UNC13C: variants seen among roughly 807,000 people sequenced by gnomAD.
UNC13C encodes unc-13 homolog C, also known as protein unc-13 homolog C.
A neutral mutation model predicts 245.4 loss-of-function variants in UNC13C; 174 were observed. The observed-to-expected ratio is 0.71, with a 90% CI of 0.63 to 0.80. The LOEUF is 0.80. Ranked by LOEUF, UNC13C falls within the 30% of genes least tolerant of loss-of-function variation. The pLI is 0.00. For missense variants in UNC13C, 2,829 were observed against 2,602.9 expected (o/e 1.09, Z -1.89); for synonymous variants, 992 against 895.1 (o/e 1.11, Z -1.93).
chr15:54,559,930 C>A (rs966918873), intron 29 of UNC13C, among the ~76,000 whole-genome samples: 10 of 152,028 alleles, frequency 6.6e-5, no homozygotes, highest in Non-Finnish European at 1.3e-4. Context: ...TAAAGAATCT[C>A]AACTTTAGTT....
intron 19 of UNC13C, among the ~76,000 whole-genome samples, chr15:54,440,814 G>T (rs1295712381): frequency 1.3e-5 from 2 of 151,888 alleles, no homozygotes; most frequent in Admixed American, 6.6e-5. Flanking sequence ...AACCCTGCCA[G>T]CATCTATCAT....
intron 30 of UNC13C, among the ~76,000 whole-genome samples, chr15:54,571,013 T>A (rs1417372743): frequency 2.0e-5 from 3 of 152,220 alleles, no homozygotes; most frequent in African/African-American, 7.2e-5. Context: ...GTTCCACCCT[T>A]TGTATTCCAT....
At chr15:54,159,726 G>C (rs142539765) in intron 4 of UNC13C, among the ~76,000 whole-genome samples, 1 of 152,310 alleles carries the variant, frequency 6.6e-6, no homozygotes, top group Non-Finnish European at 1.5e-5. Context: ...TTTGAAGATA[G>C]GTGAGTGCCA....
Position 54,627,133 on chromosome 15 carries a change from A to G in UNC13C, c.*20A>G. 1 of 1,587,520 alleles carries G rather than the reference A, an allele frequency of 6.3e-7. No individual in the cohort carries two copies. The highest frequency in any genetic ancestry group is 8.6e-7 in the Non-Finnish European group (1 of 1,166,760). On this transcript the variant is annotated 3_prime_UTR_variant, in exon 33 of 33. Coordinates refer to ENST00000260323, the MANE Select transcript of UNC13C (RefSeq NM_001080534.3). Reference sequence around the variant, plus strand: ...GCTTGAAACAAACACTGCAAGCTAAATACATAACTATAATTGTTTGACTAC... The same window carrying G: ...GCTTGAAACAAACACTGCAAGCTAAGTACATAACTATAATTGTTTGACTAC...
intron 2 of UNC13C, among the ~76,000 whole-genome samples, chr15:54,141,141 T>C (rs770078790): frequency 7.2e-5 from 11 of 152,202 alleles, no homozygotes; most frequent in Non-Finnish European, 1.6e-4. Context: ...TTCATTGTTT[T>C]CCAAACTAGT....
chr15:54,036,964 G>A (rs1896601046), intron 2 of UNC13C, among the ~76,000 whole-genome samples: 1 of 152,246 alleles, frequency 6.6e-6, no homozygotes, highest in African/African-American at 2.4e-5. Context: ...GCAGGCCACT[G>A]TGCCTGCATG....
chr15:53,969,378 A>G, the UNC13C span, among the ~76,000 whole-genome samples: 1 of 152,216 alleles, frequency 6.6e-6, no homozygotes, highest in African/African-American at 2.4e-5. Context: ...ATGTTAATAC[A>G]TAGCCTGATG....
intron 1 of UNC13C, among the ~76,000 whole-genome samples, chr15:53,982,911 C>G (rs1893981938): frequency 6.6e-6 from 1 of 152,268 alleles, no homozygotes. Flanking sequence ...TTACTTGACT[C>G]TGACTTGCTT....
chr15:54,189,227 G>A (rs1295935445), intron 4 of UNC13C, among the ~76,000 whole-genome samples: 1 of 152,072 alleles, frequency 6.6e-6, no homozygotes, highest in Non-Finnish European at 1.5e-5. Flanking sequence ...TGTAAAAGTG[G>A]TTCATAAAAT....
At chr15:54,599,439 TTCAG>T (rs1899281967) in intron 30 of UNC13C, among the ~76,000 whole-genome samples, 1 of 152,054 alleles carries the variant, frequency 6.6e-6, no homozygotes, top group African/African-American at 2.4e-5. Flanking sequence ...TCTCTATTTC[TTCAG>T]TATCTGCTTG....
At chr15:54,435,046 G>A (rs2140981122) in intron 19 of UNC13C, among the ~76,000 whole-genome samples, 1 of 152,186 alleles carries the variant, frequency 6.6e-6, no homozygotes. Context: ...TCTCACGCCA[G>A]TTAGAATGGC....
chr15:54,575,527 A>G (rs1897920847), intron 30 of UNC13C, among the ~76,000 whole-genome samples: 1 of 152,086 alleles, frequency 6.6e-6, no homozygotes, highest in South Asian at 2.1e-4. Flanking sequence ...AATGCAGAAG[A>G]ACTTAATATT....
At chr15:54,019,627 T>C (rs1427799252) in intron 2 of UNC13C, among the ~76,000 whole-genome samples, 2 of 152,242 alleles carry the variant, frequency 1.3e-5, no homozygotes, top group Non-Finnish European at 2.9e-5. Flanking sequence ...AATCTTGTTC[T>C]GAAAGAGACT....
intron 8 of UNC13C, among the ~76,000 whole-genome samples, chr15:54,259,507 A>G (rs2036368141): frequency 6.6e-6 from 1 of 152,182 alleles, no homozygotes; most frequent in African/African-American, 2.4e-5. Flanking sequence ...ATCTCATGAG[A>G]CTTATTCACT....
chr15:54,558,265 A>G (rs1384916603), intron 29 of UNC13C, among the ~76,000 whole-genome samples: 1 of 152,090 alleles, frequency 6.6e-6, no homozygotes, highest in Non-Finnish European at 1.5e-5. Flanking sequence ...TAAAAAAAGA[A>G]TGATTATTCA....
At chr15:53,884,307 G>A in the UNC13C span, among the ~76,000 whole-genome samples, 1 of 152,070 alleles carries the variant, frequency 6.6e-6, no homozygotes, top group East Asian at 1.9e-4. Context: ...TAATTTCCCA[G>A]GATCCTAAAC....
intron 10 of UNC13C, among the ~76,000 whole-genome samples, chr15:54,290,529 C>A (rs2037269505): frequency 1.3e-5 from 2 of 151,920 alleles, no homozygotes; most frequent in Admixed American, 6.6e-5. Flanking sequence ...TATTGGTATC[C>A]CATTTATTTT....
At chr15:54,568,080 T>C (rs1473722724) in intron 30 of UNC13C, 133 bp downstream of exon 30, 1 of 593,438 alleles carries the variant, frequency 1.7e-6, no homozygotes, top group Non-Finnish European at 2.5e-6. Flanking sequence ...TGGAGAGTTA[T>C]GGTTAATAGA....
intron 7 of UNC13C, among the ~76,000 whole-genome samples, chr15:54,247,777 T>C (rs2140859126): frequency 6.6e-6 from 1 of 152,044 alleles, no homozygotes; most frequent in East Asian, 1.9e-4. Context: ...TTTTTTTTTT[T>C]ATTTTTGGAA....
Sources: gnomAD v4.1 joint callset for allele counts (sites outside exome capture counted in the v4.1 genomes callset) on GRCh38, gnomAD v4.1.1 for gene constraint, MANE v1.5 for transcripts, NCBI Gene and HGNC (gene_info 2026-07-23, HGNC 2026-07-21) for gene names.